The following VWA8 variants were observed in gnomAD, a reference collection of about 807,000 sequenced individuals.
The protein encoded by VWA8 is von Willebrand factor A domain containing 8.
Under a neutral mutation model 241.5 loss-of-function variants are expected in VWA8, and 221 were observed. That is an observed-to-expected ratio of 0.91 (90% CI 0.82 to 1.02). The LOEUF is 1.02. VWA8 is among the 50% of genes least tolerant of loss of function. VWA8 has a pLI of 0.00. For missense variants in VWA8, 2,322 were observed against 2,328.7 expected (o/e 1.00, Z 0.06); for synonymous variants, 852 against 827.1 (o/e 1.03, Z -0.52).
chr13:41,709,702 C>T (rs961681755), intron 26 of VWA8, among the ~76,000 whole-genome samples: 1 of 152,096 alleles, frequency 6.6e-6, no homozygotes, highest in Non-Finnish European at 1.5e-5. Flanking sequence ...TGGCTGCAAT[C>T]CTGAGTCTTG....
At chr13:41,959,279 G>A (rs1168701923) in intron 1 of VWA8, among the ~76,000 whole-genome samples, 3 of 152,070 alleles carry the variant, frequency 2.0e-5, no homozygotes, top group Non-Finnish European at 4.4e-5. Context: ...ACAAAGTTAA[G>A]TAACCTACCC....
intron 2 of VWA8, among the ~76,000 whole-genome samples, chr13:41,922,807 A>G (rs1009934630): frequency 6.6e-6 from 1 of 152,238 alleles, no homozygotes; most frequent in African/African-American, 2.4e-5. Flanking sequence ...GAGGATGTGG[A>G]GAAATAGGAA....
At chr13:41,715,898 C>A (rs1244935967) in intron 26 of VWA8, among the ~76,000 whole-genome samples, 1 of 151,918 alleles carries the variant, frequency 6.6e-6, no homozygotes, top group East Asian at 1.9e-4. Flanking sequence ...ATCATCTTTT[C>A]TTGATTCATA....
chr13:41,619,604 G>A (rs2139666364), intron 37 of VWA8, among the ~76,000 whole-genome samples: 2 of 152,240 alleles, frequency 1.3e-5, no homozygotes, highest in South Asian at 4.1e-4. Context: ...TTGGCTGTGG[G>A]TTTGTCATAC....
rs924691124 is a variant in VWA8, at chr13:41,761,320, T to C, written c.2350-116A>G. The C allele has an allele frequency of 3.0e-6, 3 of 1,001,502 alleles. No homozygotes were observed. The African/African-American group carries it at 4.9e-5, about 16-fold the overall frequency. 62.0% of individuals were successfully genotyped at this position (1,001,502 alleles called of 1,614,324 possible). A position where few individuals can be genotyped will look rare whatever the true frequency, so the allele number is the denominator to read the frequency against. On this transcript the variant is annotated intron_variant, in intron 20 of 44. Transcript: ENST00000379310. ...CTTTCTCACCTTGTTACTGTTTTAG[T>C]TTATTGTTCATGAAAACCAAACTGG...
At chr13:41,684,951 A>C in intron 35 of VWA8, 96 bp downstream of exon 35, 4 of 1,090,794 alleles carry the variant, frequency 3.7e-6, no homozygotes, top group Non-Finnish European at 5.3e-6. Context: ...AATTTTTATA[A>C]GTATGAAATG....
intron 37 of VWA8, among the ~76,000 whole-genome samples, chr13:41,623,869 C>T (rs1376578425): frequency 1.3e-5 from 2 of 151,844 alleles, no homozygotes; most frequent in African/African-American, 4.8e-5. Flanking sequence ...GGTTATTGTA[C>T]CCATAGGTTA....
Position 41,715,642 on chromosome 13 carries a change from T to C in VWA8, c.3116+3949A>G, listed in dbSNP as rs190502323. On this transcript the variant is annotated intron_variant, in intron 26 of 44. Transcript: ENST00000379310. Reference sequence around the variant, plus strand: ...TAAAGTTTATATTTATAGTTGTCTATACTGAAGTATAGCAGATAATCTATG... The same window carrying C: ...TAAAGTTTATATTTATAGTTGTCTACACTGAAGTATAGCAGATAATCTATG... 1.0e-3 allele frequency among the ~76,000 whole-genome samples: 157 copies of C among 152,182 alleles called. 1 individual carries two copies. Among genetic ancestry groups the C allele is most frequent in the African/African-American group, 3.7e-3 (155 of 41,584 alleles).
chr13:41,689,571 A>G (rs1019053053), intron 33 of VWA8, 63 bp from the exon 34 acceptor site: 5 of 1,413,684 alleles, frequency 3.5e-6, no homozygotes, highest in Non-Finnish European at 4.7e-6. Flanking sequence ...AATTTTTTGC[A>G]AGATTTTATT....
At chr13:41,817,033 G>A (rs1031656137) in intron 15 of VWA8, among the ~76,000 whole-genome samples, 5 of 152,040 alleles carry the variant, frequency 3.3e-5, no homozygotes, top group South Asian at 2.1e-4. Flanking sequence ...CTATCACCAC[G>A]ATAAAACTGA....
At chr13:41,599,960 T>C (rs1268247701) in intron 40 of VWA8, among the ~76,000 whole-genome samples, 1 of 152,128 alleles carries the variant, frequency 6.6e-6, no homozygotes, top group African/African-American at 2.4e-5. Flanking sequence ...CGCTTTTGCA[T>C]GGCAGTAACA....
At position 41,651,761 on chromosome 13, in the gene VWA8, G is replaced by A. The variant is rs138014689; in HGVS notation, c.4611+19185C>T. Among the ~76,000 whole-genome samples, 199 of 152,218 alleles carry A rather than the reference G, an allele frequency of 1.3e-3. 2 individuals are homozygous for A. The highest frequency in any genetic ancestry group is 4.6e-3 in the East Asian group (24 of 5,186). On this transcript the variant is annotated intron_variant, in intron 37 of 44. Coordinates refer to ENST00000379310, the MANE Select transcript of VWA8 (RefSeq NM_015058.2). ...TTGTGGGCCTACAGAAAAAGGTGGT[G>A]CAATTTGCCAGTCCCTGTTTTAATT...
intron 2 of VWA8, among the ~76,000 whole-genome samples, chr13:41,944,197 T>C (rs1877739223): frequency 6.6e-6 from 1 of 151,434 alleles, no homozygotes; most frequent in Non-Finnish European, 1.5e-5. Flanking sequence ...CCTCTGAAAA[T>C]TCATTCCTTC....
intron 40 of VWA8, among the ~76,000 whole-genome samples, chr13:41,591,107 T>C (rs960291239): frequency 6.6e-6 from 1 of 152,226 alleles, no homozygotes; most frequent in East Asian, 1.9e-4. Context: ...GTTAAAATAA[T>C]CAGCTTGAAT....
At chr13:41,719,516 C>CA in intron 26 of VWA8, 75 bp downstream of exon 26, 1 of 1,598,012 alleles carries the variant, frequency 6.3e-7, no homozygotes, top group South Asian at 1.1e-5. Context: ...CATAGCAACT[C>CA]AGTTTTGTAG....
chr13:41,664,546 T>C (rs555017620), intron 37 of VWA8, among the ~76,000 whole-genome samples: 157 of 152,162 alleles, frequency 1.0e-3, no homozygotes, highest in Non-Finnish European at 1.6e-3. Flanking sequence ...ATCTTCTTGT[T>C]GTATGGTTTC....
intron 37 of VWA8, among the ~76,000 whole-genome samples, chr13:41,617,353 A>G (rs111227812): frequency 0.019 from 2,934 of 152,234 alleles, 39 homozygotes; most frequent in Middle Eastern, 0.061. Context: ...TCCTGACCTC[A>G]AGTGATCCAC....
At chr13:41,814,970 G>C (rs1246298403) in intron 16 of VWA8, among the ~76,000 whole-genome samples, 3 of 152,132 alleles carry the variant, frequency 2.0e-5, no homozygotes, top group African/African-American at 7.2e-5. Context: ...GCCCTATAAA[G>C]AATCTTAAAG....
chr13:41,742,046 C>T (rs983758204), intron 21 of VWA8, among the ~76,000 whole-genome samples: 3 of 152,170 alleles, frequency 2.0e-5, no homozygotes, highest in African/African-American at 7.2e-5. Flanking sequence ...AAGTTTAAGG[C>T]TACACTTAGT....
Sources: gnomAD v4.1 joint callset for allele counts (sites outside exome capture counted in the v4.1 genomes callset) on GRCh38, gnomAD v4.1.1 for gene constraint, MANE v1.5 for transcripts, NCBI Gene and HGNC (gene_info 2026-07-23, HGNC 2026-07-21) for gene names.